LRP1B: variants seen among roughly 807,000 people sequenced by gnomAD.
LRP1B encodes LDL receptor related protein 1B, also known as low-density lipoprotein receptor-related protein 1B.
A neutral mutation model predicts 556.6 loss-of-function variants in LRP1B; 217 were observed. The observed-to-expected ratio is 0.39, with a 90% CI of 0.35 to 0.44. The LOEUF is 0.44. LRP1B is among the 20% of genes least tolerant of loss of function. The pLI is 1.00. For missense variants in LRP1B, 5,053 were observed against 5,620.8 expected (o/e 0.90, Z 3.23); for synonymous variants, 2,047 against 1,865.8 (o/e 1.10, Z -2.50).
At chr2:140,400,805 C>T (rs978720356) in intron 66 of LRP1B, among the ~76,000 whole-genome samples, 2 of 152,042 alleles carry the variant, frequency 1.3e-5, no homozygotes, top group Non-Finnish European at 2.9e-5. Context: ...CTTAAGTACC[C>T]AGAGTGTGAG....
chr2:140,468,719 C>T (rs1381788377), intron 60 of LRP1B, among the ~76,000 whole-genome samples: 2 of 152,242 alleles, frequency 1.3e-5, no homozygotes, highest in Non-Finnish European at 2.9e-5. Flanking sequence ...AATATTAATG[C>T]TTTCTCTACA....
chr2:140,868,398 C>T (rs924955811), intron 25 of LRP1B, 135 bp from the exon 26 acceptor site: 3 of 731,062 alleles, frequency 4.1e-6, no homozygotes, highest in Non-Finnish European at 6.1e-6. Flanking sequence ...ATTATCTATC[C>T]TCGTGGGGCT....
At chr2:141,934,515 A>T (rs1700582982) in intron 1 of LRP1B, among the ~76,000 whole-genome samples, 2 of 152,184 alleles carry the variant, frequency 1.3e-5, no homozygotes, top group African/African-American at 4.8e-5. Context: ...AAAGTTCTTT[A>T]AAAAATTCAG....
chr2:142,027,714 G>T (rs1280111158), intron 1 of LRP1B, among the ~76,000 whole-genome samples: 1 of 143,902 alleles, frequency 6.9e-6, no homozygotes, highest in African/African-American at 2.6e-5. Flanking sequence ...AAAGTAACGT[G>T]CCCAAGACTA....
chr2:140,655,108 G>T (rs1450054628), intron 41 of LRP1B, among the ~76,000 whole-genome samples: 1 of 151,632 alleles, frequency 6.6e-6, no homozygotes, highest in Admixed American at 6.6e-5. Context: ...ATCTCCTATT[G>T]TACAAATTCT....
chr2:141,608,050 C>A (rs991650162), intron 2 of LRP1B, among the ~76,000 whole-genome samples: 1 of 152,022 alleles, frequency 6.6e-6, no homozygotes, highest in Non-Finnish European at 1.5e-5. Context: ...CATGGAGGAA[C>A]CCTGTCTCTG....
intron 1 of LRP1B, among the ~76,000 whole-genome samples, chr2:142,114,367 TATTAAA>T (rs1189013513): frequency 5.3e-5 from 8 of 152,106 alleles, no homozygotes; most frequent in Admixed American, 2.6e-4. Flanking sequence ...TTGCAGTGAA[TATTAAA>T]ATTAAAGTAT....
At chr2:141,783,215 G>T (rs958613146) in intron 2 of LRP1B, among the ~76,000 whole-genome samples, 1 of 152,046 alleles carries the variant, frequency 6.6e-6, no homozygotes, top group Non-Finnish European at 1.5e-5. Flanking sequence ...GCACTCTCCT[G>T]CTCTTAGGTG....
intron 66 of LRP1B, among the ~76,000 whole-genome samples, chr2:140,416,908 A>T (rs1685226747): frequency 6.6e-6 from 1 of 152,210 alleles, no homozygotes; most frequent in African/African-American, 2.4e-5. Flanking sequence ...AAAATTGATT[A>T]AAAACAAAGG....
chr2:141,955,123 A>G (rs1465548486), intron 1 of LRP1B, among the ~76,000 whole-genome samples: 1 of 152,164 alleles, frequency 6.6e-6, no homozygotes, highest in Non-Finnish European at 1.5e-5. Context: ...TCAGGTTGCC[A>G]TATAAAATAC....
intron 32 of LRP1B, among the ~76,000 whole-genome samples, chr2:140,788,470 T>TC (rs1689988857): frequency 6.6e-6 from 1 of 151,676 alleles, no homozygotes; most frequent in Non-Finnish European, 1.5e-5. Flanking sequence ...AAAAATAATA[T>TC]ATATTACCTA....
At chr2:140,794,126 G>A (rs1120487) in intron 32 of LRP1B, among the ~76,000 whole-genome samples, 66,954 of 151,872 alleles carry the variant, frequency 0.44, 16,504 homozygotes, top group East Asian at 0.66. Context: ...GGTCCTCATT[G>A]TATTTGGAAT....
chr2:141,150,833 T>C (rs138863413), intron 7 of LRP1B, among the ~76,000 whole-genome samples: 289 of 151,414 alleles, frequency 1.9e-3, no homozygotes, highest in Non-Finnish European at 3.4e-3. Context: ...ATAACTTCTC[T>C]TCATTTGCAG....
intron 3 of LRP1B, among the ~76,000 whole-genome samples, chr2:141,303,830 A>C (rs1307806671): frequency 6.6e-6 from 1 of 152,264 alleles, no homozygotes; most frequent in East Asian, 1.9e-4. Context: ...TTTTTAAGCA[A>C]ATCTCCATAC....
Position 140,541,118 on chromosome 2 carries a change from T to C in LRP1B, c.7388-20A>G, listed in dbSNP as rs1340786454. On this transcript the variant is annotated intron_variant, in intron 44 of 90. Transcript: ENST00000389484. ...GTTCACCTACAATAAAGAGGGTGTA[T>C]TGGTAACATTTTATATCGAATTCCT... The C allele has an allele frequency of 3.8e-6, 6 of 1,584,346 alleles. No individual in the cohort carries two copies. The highest frequency in any genetic ancestry group is 2.2e-5 in the East Asian group (1 of 44,602).
At chr2:141,849,549 C>A (rs16847351) in intron 1 of LRP1B, among the ~76,000 whole-genome samples, 1 of 151,354 alleles carries the variant, frequency 6.6e-6, no homozygotes, top group Admixed American at 6.6e-5. Flanking sequence ...TGAGAAAATA[C>A]GTGTTCATAA....
At chr2:141,249,222 T>A (rs1684175406) in intron 4 of LRP1B, among the ~76,000 whole-genome samples, 1 of 152,104 alleles carries the variant, frequency 6.6e-6, no homozygotes, top group Non-Finnish European at 1.5e-5. Context: ...GAGGGATATT[T>A]CTCACAGAGG....
intron 7 of LRP1B, among the ~76,000 whole-genome samples, chr2:141,064,098 G>T (rs945006962): frequency 6.6e-6 from 1 of 151,932 alleles, no homozygotes; most frequent in African/African-American, 2.4e-5. Flanking sequence ...AACCTTGGAG[G>T]CATGCTGTTA....
At chr2:140,964,950 A>C (rs1199761217) in intron 18 of LRP1B, among the ~76,000 whole-genome samples, 1 of 152,106 alleles carries the variant, frequency 6.6e-6, no homozygotes, top group African/African-American at 2.4e-5. Context: ...CAAGACTCCA[A>C]CTCGGGAGGG....
Sources: gnomAD v4.1 joint callset for allele counts (sites outside exome capture counted in the v4.1 genomes callset) on GRCh38, gnomAD v4.1.1 for gene constraint, MANE v1.5 for transcripts, NCBI Gene and HGNC (gene_info 2026-07-23, HGNC 2026-07-21) for gene names.